Variants in MACF1 observed in about 807,000 individuals in gnomAD.
MACF1 encodes microtubule actin crosslinking factor 1.
In MACF1, 193 loss-of-function variants were observed where a neutral mutation model predicts 854.8. The observed-to-expected ratio is 0.23, with a 90% CI of 0.20 to 0.25. The LOEUF is 0.25. Among genes scored for constraint, MACF1 ranks in the 10% least tolerant of loss-of-function variants. MACF1 has a pLI of 1.00. For synonymous variants in MACF1, 3,185 were observed against 3,226.7 expected (o/e 0.99, Z 0.44); for missense variants, 7,722 against 8,929.1 (o/e 0.86, Z 5.45).
intron 2 of MACF1, among the ~76,000 whole-genome samples, chr1:39,098,569 C>A (rs1641990913): frequency 1.3e-5 from 2 of 152,216 alleles, no homozygotes; most frequent in Non-Finnish European, 2.9e-5. Context: ...GGGATAGCTG[C>A]CTGTCAGGGG....
In MACF1 at chr1:39,084,473, G is replaced by A. The variant is rs1641614874; in HGVS notation, c.220+35G>A. Reference sequence around the variant, plus strand: ...GTCCCCCAGCAGGCTGGACGCTGTGGGTGTGAGGGAGGAATGGGCCAGGGC... The same window carrying A: ...GTCCCCCAGCAGGCTGGACGCTGTGAGTGTGAGGGAGGAATGGGCCAGGGC... On this transcript the variant is annotated intron_variant, in intron 2 of 93. Coordinates refer to the MACF1 transcript ENST00000361689. This position sits in a 1 kb window ranked among gnomAD's most constrained non-coding sequence, Gnocchi z 5.2. 2.5e-6 allele frequency: 4 copies of A among 1,575,128 alleles called. No individual in the cohort carries two copies. Among genetic ancestry groups the A allele is most frequent in the African/African-American group, 2.7e-5 (2 of 74,346 alleles).
At chr1:39,221,734 CTTCTT>C (rs1361593082) in intron 1 of MACF1, among the ~76,000 whole-genome samples, 2 of 152,174 alleles carry the variant, frequency 1.3e-5, no homozygotes, top group East Asian at 1.9e-4. Flanking sequence ...TACCTGCCCT[CTTCTT>C]TACTTTCCTG....
In MACF1 at chr1:39,331,694, T is replaced by A; in HGVS notation, c.5106T>A (p.Pro1702=). Residue 1702 remains proline, a synonymous_variant, in exon 37 of 101, where the codon CCT becomes CCA. Transcript: ENST00000564288. ...YLRTSKNLID[P]NTAEKIGLLD... is the part of the protein sequence containing the mutation. ...GAACATCCAAGAATTTGATAGACCC[T>A]AACACAGCTGAGAAAATTGGTTTGC... 6.2e-7 allele frequency: 1 copy of A among 1,614,174 alleles called. No individual in the cohort carries two copies. The highest frequency in any genetic ancestry group is 8.5e-7 in the Non-Finnish European group (1 of 1,180,024).
chr1:39,341,575 G>A (rs951582982), intron 40 of MACF1, among the ~76,000 whole-genome samples: 6 of 151,530 alleles, frequency 4.0e-5, no homozygotes, highest in African/African-American at 9.7e-5. Context: ...GCAGGCACCC[G>A]TAATCCCAGC....
At position 39,333,961 on chromosome 1, in the gene MACF1, G is replaced by A. The variant is rs1646770507; in HGVS notation, c.7373G>A (p.Arg2458Lys). 6.2e-7 allele frequency: 1 copy of A among 1,614,168 alleles called. No homozygotes were observed. Among genetic ancestry groups the A allele is most frequent in the Non-Finnish European group, 8.5e-7 (1 of 1,180,038 alleles). Residue 2458 changes from arginine (R) to lysine (K), a missense_variant, in exon 37 of 101, where the codon AGA becomes AAA. Arg to Lys is a conservative substitution (Grantham distance 26). Coordinates refer to ENST00000564288, the MANE Select transcript of MACF1 (RefSeq NM_001394062.1). The part of the protein sequence containing the change: ...GRDAEKTVRE[R>K]LISLQMETTG... ...GATGCTGAAAAAACAGTTAGGGAGA[G>A]ATTAATTAGTTTACAAATGGAAACA...
rs1293101996 is a variant in MACF1, at chr1:39,424,138, A to C, written c.16260A>C (p.Gly5420=). The C allele has an allele frequency of 6.2e-7, 1 of 1,613,182 alleles. No homozygotes were observed. The highest frequency in any genetic ancestry group is 1.1e-5 in the South Asian group (1 of 91,028). ...AELADREKIT[G]QLESLESRWT... ...TGGCTGATAGAGAGAAAATCACTGG[A>C]CAGCTGGAGAGTCTTGAAAGTAGAT... Residue 5420 remains glycine, a synonymous_variant, in exon 61 of 101, where the codon GGA becomes GGC. Transcript: ENST00000564288.
intron 2 of MACF1, among the ~76,000 whole-genome samples, chr1:39,150,177 C>T (rs1643549385): frequency 6.6e-6 from 1 of 152,102 alleles, no homozygotes; most frequent in African/African-American, 2.4e-5. Context: ...GTCACCATGG[C>T]TGGCTAATTT....
intron 70 of MACF1, 89 bp from the exon 71 acceptor site, chr1:39,437,688 T>C: frequency 9.8e-7 from 1 of 1,016,430 alleles, no homozygotes; most frequent in South Asian, 1.3e-5. Flanking sequence ...TAAACAGTAG[T>C]AGGATAATAT....
intron 97 of MACF1, among the ~76,000 whole-genome samples, chr1:39,477,147 C>CT (rs1644922821): frequency 1.2e-5 from 1 of 83,840 alleles, no homozygotes; most frequent in African/African-American, 4.4e-5. Context: ...CACACACACA[C>CT]ACACACAGAT....
At chr1:39,294,533 C>A (rs1386702754) in intron 18 of MACF1, among the ~76,000 whole-genome samples, 1 of 152,132 alleles carries the variant, frequency 6.6e-6, no homozygotes, top group Non-Finnish European at 1.5e-5. Flanking sequence ...TGTGTGAGAA[C>A]TGAAATTAGG....
chr1:39,272,303 C>T (rs1376487398), intron 6 of MACF1, among the ~76,000 whole-genome samples: 1 of 152,198 alleles, frequency 6.6e-6, no homozygotes, highest in Non-Finnish European at 1.5e-5. Context: ...TGCTCCCCTC[C>T]CTAACAGGCT....
chr1:39,201,119 G>A (rs1332261446), upstream of MACF1, among the ~76,000 whole-genome samples: 1 of 152,082 alleles, frequency 6.6e-6, no homozygotes, highest in African/African-American at 2.4e-5. Flanking sequence ...CCAACATTTT[G>A]GAGTTATTTT....
chr1:39,092,661 G>C (rs914912513), intron 2 of MACF1, among the ~76,000 whole-genome samples: 2 of 152,172 alleles, frequency 1.3e-5, no homozygotes, highest in African/African-American at 4.8e-5. Flanking sequence ...AAAGTAGTGA[G>C]AATAGTACAG....
chr1:39,379,081 C>T (rs1649967824), intron 53 of MACF1, 122 bp from the exon 54 acceptor site: 16 of 1,024,868 alleles, frequency 1.6e-5, no homozygotes, highest in Non-Finnish European at 2.3e-5. Context: ...TATGATTTAG[C>T]AGGAAGATAA....
chr1:39,472,003 C>T (rs1287021020), intron 97 of MACF1, among the ~76,000 whole-genome samples: 7 of 152,126 alleles, frequency 4.6e-5, no homozygotes, highest in Non-Finnish European at 1.0e-4. Context: ...TTTAACATGC[C>T]CGCATCAGCC....
intron 2 of MACF1, among the ~76,000 whole-genome samples, chr1:39,116,104 A>T (rs1642537640): frequency 6.6e-6 from 1 of 152,196 alleles, no homozygotes; most frequent in Non-Finnish European, 1.5e-5. Context: ...AGACTTGAGC[A>T]TGTTTATTTT....
At chr1:39,207,036 T>A (rs376485685) in intron 1 of MACF1, 1 of 151,302 alleles carries the variant, frequency 6.6e-6, no homozygotes, top group Non-Finnish European at 1.5e-5. Context: ...CTATAGCACA[T>A]AGGTCTTGTG....
rs1645621889 is a variant in MACF1, at chr1:39,285,321, A to C, written c.1284A>C (p.Ala428=). 1 of 1,614,188 alleles carries C rather than the reference A, an allele frequency of 6.2e-7. No homozygotes were observed. Among genetic ancestry groups the C allele is most frequent in the Non-Finnish European group, 8.5e-7 (1 of 1,180,028 alleles). ...GGCTGGAATTGCTGCTACAGATTGC[A>C]AACAAAATCCAGAATGGTGCTTTGA... is the stretch of plus-strand genomic sequence containing the variant. The part of the protein sequence containing the change: ...VERLELLLQI[A]NKIQNGALNC... Residue 428 remains alanine, a synonymous_variant, in exon 13 of 101, where the codon GCA becomes GCC. Coordinates refer to ENST00000564288, the MANE Select transcript of MACF1 (RefSeq NM_001394062.1).
chr1:39,163,920 G>A (rs569782728), intron 2 of MACF1, among the ~76,000 whole-genome samples: 24 of 152,142 alleles, frequency 1.6e-4, no homozygotes, highest in Admixed American at 9.2e-4. Context: ...TAAAATCACC[G>A]AAATCCTACA....
Sources: gnomAD v4.1 joint callset for allele counts (sites outside exome capture counted in the v4.1 genomes callset) on GRCh38, gnomAD v4.1.1 for gene constraint, Gnocchi (gnomAD v3.1) non-coding constraint, MANE v1.5 for transcripts, NCBI Gene and HGNC (gene_info 2026-07-23, HGNC 2026-07-21) for gene names.